NRG3: variants seen among roughly 807,000 people sequenced by gnomAD.
NRG3 encodes neuregulin 3, also known as pro-neuregulin-3, membrane-bound isoform.
NRG3 carries 31 observed loss-of-function variants against 66.9 expected under a neutral mutation model. That is an observed-to-expected ratio of 0.46 (90% CI 0.35 to 0.63). The LOEUF is 0.63. NRG3 is among the 20% of genes least tolerant of loss of function. NRG3 has a pLI of 0.00. For missense variants in NRG3, 910 were observed against 878.9 expected, an observed-to-expected ratio of 1.04 and a Z score of -0.45; for synonymous variants, 393 against 359.4, an observed-to-expected ratio of 1.09 and a Z score of -1.06.
At chr10:82,617,034 A>T (rs565347053) in intron 2 of NRG3, among the ~76,000 whole-genome samples, 2 of 152,302 alleles carry the variant, frequency 1.3e-5, no homozygotes, top group African/African-American at 4.8e-5. Flanking sequence ...GGGATTGGAT[A>T]GTCCTTGTTT....
chr10:82,373,136 CT>C, intron 2 of NRG3, among the ~76,000 whole-genome samples: 1 of 152,294 alleles, frequency 6.6e-6, no homozygotes, highest in African/African-American at 2.4e-5. Flanking sequence ...AAGGATGTAC[CT>C]TGTTATGGGT....
chr10:82,514,950 T>C (rs1845515352), intron 2 of NRG3, among the ~76,000 whole-genome samples: 1 of 152,118 alleles, frequency 6.6e-6, no homozygotes, highest in African/African-American at 2.4e-5. Context: ...CACAGAATGT[T>C]CATCTATGTC....
chr10:82,665,046 A>G (rs4532983), intron 2 of NRG3, among the ~76,000 whole-genome samples: 19,351 of 152,012 alleles, frequency 0.13, 1,347 homozygotes, highest in East Asian at 0.24. Flanking sequence ...TCAGTTTTCC[A>G]TCATGATACA....
intron 2 of NRG3, among the ~76,000 whole-genome samples, chr10:82,564,855 T>C (rs2045290518): frequency 2.0e-5 from 3 of 152,138 alleles, no homozygotes; most frequent in South Asian, 2.1e-4. Flanking sequence ...CTTTGTAATA[T>C]AGAAAGCATA....
chr10:82,104,747 C>T (rs1410343251), intron 1 of NRG3, among the ~76,000 whole-genome samples: 1 of 152,144 alleles, frequency 6.6e-6, no homozygotes, highest in Admixed American at 6.5e-5. Context: ...GTGTATCAAT[C>T]TCTCCATTAA....
At chr10:81,976,711 A>C (rs1737817062) in intron 1 of NRG3, among the ~76,000 whole-genome samples, 1 of 152,224 alleles carries the variant, frequency 6.6e-6, no homozygotes, top group Non-Finnish European at 1.5e-5. Context: ...AGGCGTCCAG[A>C]GCAAGATATC....
intron 1 of NRG3, among the ~76,000 whole-genome samples, chr10:82,089,964 C>T (rs2065934974): frequency 6.6e-6 from 1 of 152,198 alleles, no homozygotes; most frequent in African/African-American, 2.4e-5. Flanking sequence ...TGCCCCAGCT[C>T]TTTGCCCTCT....
chr10:82,257,315 G>A (rs60907007), intron 1 of NRG3, among the ~76,000 whole-genome samples: 2,607 of 152,236 alleles, frequency 0.017, 80 homozygotes, highest in African/African-American at 0.059. Context: ...GCTGTAATGA[G>A]TTCAGAATGC....
At chr10:81,979,187 CAA>C (rs34468792) in intron 1 of NRG3, among the ~76,000 whole-genome samples, 12,705 of 81,730 alleles carry the variant, frequency 0.16, 723 homozygotes, top group African/African-American at 0.29. Flanking sequence ...GACTCCGTCT[CAA>C]AAAAAAAAAA....
At chr10:82,324,701 A>G (rs1033738155) in intron 1 of NRG3, among the ~76,000 whole-genome samples, 17 of 152,070 alleles carry the variant, frequency 1.1e-4, no homozygotes, top group Non-Finnish European at 1.8e-4. Context: ...GTTAGTTCCA[A>G]ATATTTTGAC....
intron 2 of NRG3, among the ~76,000 whole-genome samples, chr10:82,553,674 G>T (rs1279761554): frequency 1.3e-5 from 2 of 152,110 alleles, no homozygotes; most frequent in Non-Finnish European, 1.5e-5. Context: ...GGGAGCTGGT[G>T]CTCGGAATAC....
intron 1 of NRG3, among the ~76,000 whole-genome samples, chr10:82,319,251 A>G (rs1037121344): frequency 5.9e-5 from 9 of 152,336 alleles, no homozygotes; most frequent in African/African-American, 2.2e-4. Context: ...TCCCATCTGT[A>G]CAGACAGCAG....
At chr10:82,484,528 T>A (rs1332926662) in intron 2 of NRG3, among the ~76,000 whole-genome samples, 1 of 152,236 alleles carries the variant, frequency 6.6e-6, no homozygotes, top group Non-Finnish European at 1.5e-5. Context: ...TTATTGTTAT[T>A]TTATTTTAAA....
At chr10:82,913,983 GTGTGTTTATTATTT>G (rs2131996610) in intron 4 of NRG3, among the ~76,000 whole-genome samples, 1 of 152,194 alleles carries the variant, frequency 6.6e-6, no homozygotes, top group Non-Finnish European at 1.5e-5. Flanking sequence ...CTGTTCCACT[GTGTGTTTATTATTT>G]TTCTCTTTGC....
At chr10:81,953,827 G>C (rs1358073087) in intron 1 of NRG3, among the ~76,000 whole-genome samples, 1 of 152,074 alleles carries the variant, frequency 6.6e-6, no homozygotes, top group Non-Finnish European at 1.5e-5. Flanking sequence ...TCCTGTCTTT[G>C]TTTATGGCTT....
At chr10:82,184,863 G>A (rs936986217) in intron 1 of NRG3, among the ~76,000 whole-genome samples, 1 of 152,118 alleles carries the variant, frequency 6.6e-6, no homozygotes, top group Non-Finnish European at 1.5e-5. Flanking sequence ...TCTGGATGAA[G>A]GCCCCTTGAA....
intron 1 of NRG3, among the ~76,000 whole-genome samples, chr10:82,121,626 T>G (rs931836045): frequency 1.3e-4 from 20 of 152,144 alleles, no homozygotes; most frequent in Admixed American, 1.1e-3. Flanking sequence ...GGCTTTGTGC[T>G]GACTTTTTGG....
intron 1 of NRG3, among the ~76,000 whole-genome samples, chr10:81,912,485 G>A (rs1461218073): frequency 1.3e-5 from 2 of 152,286 alleles, no homozygotes; most frequent in Middle Eastern, 3.4e-3. Flanking sequence ...GCTTCCCAAA[G>A]TACTGGGATT....
chr10:82,497,707 G>A (rs1260234378), intron 2 of NRG3, among the ~76,000 whole-genome samples: 2 of 152,042 alleles, frequency 1.3e-5, no homozygotes, highest in Non-Finnish European at 2.9e-5. Flanking sequence ...GTGAACATGT[G>A]GGTACAGCAA....
Sources: gnomAD v4.1 joint callset for allele counts (sites outside exome capture counted in the v4.1 genomes callset) on GRCh38, gnomAD v4.1.1 for gene constraint, MANE v1.5 for transcripts, NCBI Gene and HGNC (gene_info 2026-07-23, HGNC 2026-07-21) for gene names.